The following GRIA4 variants were observed in gnomAD, a reference collection of about 807,000 sequenced individuals.
GRIA4 encodes the protein glutamate ionotropic receptor AMPA type subunit 4.
A neutral mutation model predicts 104.0 loss-of-function variants in GRIA4; 34 were observed. The observed-to-expected ratio is 0.33, with a 90% CI of 0.25 to 0.44. The LOEUF (loss-of-function observed/expected upper bound fraction) is 0.44. GRIA4 is among the 20% of genes least tolerant of loss of function. The pLI, the probability that GRIA4 is intolerant of heterozygous loss-of-function variation, is 1.00. For missense variants in GRIA4, 750 were observed against 1,096.5 expected (o/e 0.68, Z 4.46); for synonymous variants, 386 against 381.9 (o/e 1.01, Z -0.13).
At chr11:105,703,862 C>T (rs187917745) in intron 3 of GRIA4, among the ~76,000 whole-genome samples, 1 of 152,058 alleles carries the variant, frequency 6.6e-6, no homozygotes, top group East Asian at 1.9e-4. Flanking sequence ...GTCATCTAAC[C>T]TTTTAGCCAC....
At chr11:105,961,093 C>A (rs970307456) in intron 14 of GRIA4, among the ~76,000 whole-genome samples, 3 of 152,328 alleles carry the variant, frequency 2.0e-5, no homozygotes, top group Admixed American at 2.0e-4. Context: ...GTTTTTAATT[C>A]TATCATCAGT....
intron 5 of GRIA4, among the ~76,000 whole-genome samples, chr11:105,867,461 A>G (rs534313340): frequency 1.6e-4 from 24 of 152,260 alleles, no homozygotes; most frequent in African/African-American, 5.8e-4. Context: ...TCATTTACAA[A>G]TTTTCACAAC....
chr11:105,944,038 T>C (rs1472914414), intron 14 of GRIA4, among the ~76,000 whole-genome samples: 2 of 152,156 alleles, frequency 1.3e-5, no homozygotes, highest in African/African-American at 4.8e-5. Context: ...AGGAATTATA[T>C]CATGCCATAT....
intron 3 of GRIA4, among the ~76,000 whole-genome samples, chr11:105,681,414 T>A (rs558175964): frequency 1.3e-5 from 2 of 152,294 alleles, no homozygotes; most frequent in East Asian, 3.9e-4. Flanking sequence ...CATGAAGAAA[T>A]GTGGCTTCAA....
At chr11:105,611,442 G>A (rs759725497) in intron 2 of GRIA4, among the ~76,000 whole-genome samples, 1 of 151,642 alleles carries the variant, frequency 6.6e-6, no homozygotes, top group Non-Finnish European at 1.5e-5. Flanking sequence ...GTGATGTCGA[G>A]TTTGTTTAAA....
intron 5 of GRIA4, among the ~76,000 whole-genome samples, chr11:105,867,783 G>C (rs1051172686): frequency 6.6e-6 from 1 of 152,168 alleles, no homozygotes; most frequent in Non-Finnish European, 1.5e-5. Flanking sequence ...TAAGGAGGAG[G>C]AGTCATTACA....
intron 5 of GRIA4, among the ~76,000 whole-genome samples, chr11:105,872,105 A>G (rs181177548): frequency 6.6e-6 from 1 of 152,222 alleles, no homozygotes; most frequent in African/African-American, 2.4e-5. Flanking sequence ...TTCACTGTAC[A>G]TTAGCATATT....
chr11:105,617,003 G>A (rs917093223), intron 3 of GRIA4, among the ~76,000 whole-genome samples: 13 of 151,076 alleles, frequency 8.6e-5, no homozygotes, highest in Admixed American at 2.0e-4. Context: ...TAGAGTTGTC[G>A]TAGGATTAAG....
At chr11:105,975,186 C>A (rs1290155286) in intron 16 of GRIA4, among the ~76,000 whole-genome samples, 2 of 152,122 alleles carry the variant, frequency 1.3e-5, no homozygotes, top group African/African-American at 2.4e-5. Context: ...ATTTTGACTA[C>A]AATTCACATT....
intron 4 of GRIA4, among the ~76,000 whole-genome samples, chr11:105,858,790 T>C (rs1222306463): frequency 2.6e-5 from 4 of 152,160 alleles, no homozygotes; most frequent in Non-Finnish European, 4.4e-5. Context: ...CTTATTTCAG[T>C]TAACAAAATG....
intron 7 of GRIA4, among the ~76,000 whole-genome samples, chr11:105,901,349 T>C (rs996541652): frequency 3.9e-5 from 6 of 152,218 alleles, no homozygotes; most frequent in Non-Finnish European, 7.3e-5. Context: ...GTCCATACTT[T>C]TTCTACCGCA....
intron 3 of GRIA4, among the ~76,000 whole-genome samples, chr11:105,739,798 T>C (rs1482004309): frequency 6.6e-6 from 1 of 152,142 alleles, no homozygotes; most frequent in Admixed American, 6.6e-5. Context: ...GTCAGTATTT[T>C]AAGAGAAATT....
intron 3 of GRIA4, among the ~76,000 whole-genome samples, chr11:105,639,949 C>T (rs557753298): frequency 3.1e-4 from 47 of 151,968 alleles, no homozygotes; most frequent in African/African-American, 1.1e-3. Flanking sequence ...TACATGTTTC[C>T]TATTTTTTTA....
chr11:105,737,823 T>C (rs1939049475), intron 3 of GRIA4, among the ~76,000 whole-genome samples: 1 of 152,182 alleles, frequency 6.6e-6, no homozygotes, highest in Non-Finnish European at 1.5e-5. Context: ...ACAAAATTAT[T>C]GTTCTTTCAC....
chr11:105,756,166 A>G (rs886594286), intron 4 of GRIA4, among the ~76,000 whole-genome samples: 1 of 152,194 alleles, frequency 6.6e-6, no homozygotes, highest in African/African-American at 2.4e-5. Flanking sequence ...AGGATGACAA[A>G]GCAGATATCT....
In GRIA4 at chr11:105,686,327, T is replaced by C. The variant is rs73627680; in HGVS notation, c.248-66654T>C. On this transcript the variant is annotated intron_variant, in intron 3 of 16. Coordinates refer to ENST00000282499, the MANE Select transcript of GRIA4 (RefSeq NM_000829.4). Reference sequence around the variant, plus strand: ...GTTATAAGTAAGAACAAGTGGTTTTTGGTTTAATGTTCCTGCGTTAATTCA... The same window carrying C: ...GTTATAAGTAAGAACAAGTGGTTTTCGGTTTAATGTTCCTGCGTTAATTCA... 7.2e-3 allele frequency among the ~76,000 whole-genome samples: 1,089 copies of C among 152,298 alleles called. 12 individuals are homozygous for C. The highest frequency in any genetic ancestry group is 0.025 in the African/African-American group (1,025 of 41,566).
At chr11:105,661,324 A>G (rs1952002524) in intron 3 of GRIA4, among the ~76,000 whole-genome samples, 1 of 151,676 alleles carries the variant, frequency 6.6e-6, no homozygotes, top group East Asian at 1.9e-4. Flanking sequence ...ATAATAACAT[A>G]AAATGAGTAT....
chr11:105,819,648 AG>A (rs369384391), intron 4 of GRIA4, among the ~76,000 whole-genome samples: 335 of 152,192 alleles, frequency 2.2e-3, no homozygotes, highest in African/African-American at 7.6e-3. Context: ...GTAGGGGGTA[AG>A]GGTAGATAAA....
intron 3 of GRIA4, among the ~76,000 whole-genome samples, chr11:105,658,283 T>C (rs182708642): frequency 1.1e-4 from 16 of 151,900 alleles, no homozygotes; most frequent in African/African-American, 3.4e-4. Flanking sequence ...CATGAGTTTA[T>C]AGAATAAAGA....
Sources: allele counts gnomAD v4.1 joint callset (sites outside exome capture counted in the v4.1 genomes callset), GRCh38; gene constraint gnomAD v4.1.1; transcripts MANE v1.5; gene names NCBI Gene and HGNC (gene_info 2026-07-23, HGNC 2026-07-21).